The following HEATR4 variants were observed in gnomAD, a reference collection of about 807,000 sequenced individuals.
HEATR4 encodes HEAT repeat containing 4.
In HEATR4, 95 loss-of-function variants were observed where a neutral mutation model predicts 108.8. That is an observed-to-expected ratio of 0.87 (90% CI 0.74 to 1.04). The LOEUF is 1.04. Ranked by LOEUF, HEATR4 falls within the 50% of genes least tolerant of loss-of-function variation. The pLI is 0.00. For synonymous variants in HEATR4, 443 were observed against 459.4 expected, an observed-to-expected ratio of 0.96 and a Z score of 0.46; for missense variants, 1,152 against 1,253.8, an observed-to-expected ratio of 0.92 and a Z score of 1.23.
At chr14:73,500,878 T>G (rs1886414623) in intron 11 of HEATR4, 148 bp from the exon 12 acceptor site, 1 of 666,742 alleles carries the variant, frequency 1.5e-6, no homozygotes, top group Non-Finnish European at 2.5e-6. Context: ...TTTTACTGGG[T>G]ACAGAGCTCG....
chr14:73,595,824 C>G, the HEATR4 span: 1 of 763,310 alleles, frequency 1.3e-6, no homozygotes, highest in Non-Finnish European at 1.9e-6. Context: ...ACTAATGTAA[C>G]TTGCTTGTTG....
At chr14:73,565,243 T>C in the HEATR4 span, among the ~76,000 whole-genome samples, 8 of 152,122 alleles carry the variant, frequency 5.3e-5, no homozygotes, top group Non-Finnish European at 7.4e-5. Flanking sequence ...GAAAAGGTCA[T>C]ACCAGTTTAT....
intron 15 of HEATR4, 51 bp from the exon 16 acceptor site, chr14:73,495,438 G>T (rs1247451942): frequency 6.9e-7 from 1 of 1,456,936 alleles, no homozygotes; most frequent in South Asian, 1.2e-5. Context: ...ACCTGTACTA[G>T]GCAGCAAATT....
chr14:73,502,053 T>A (rs1886504655), intron 11 of HEATR4, among the ~76,000 whole-genome samples: 1 of 151,210 alleles, frequency 6.6e-6, no homozygotes, highest in African/African-American at 2.4e-5. Context: ...CCAATTTTTT[T>A]TTTTTTTTTT....
chr14:73,600,991 A>C, the HEATR4 span, among the ~76,000 whole-genome samples: 1 of 151,314 alleles, frequency 6.6e-6, no homozygotes, highest in Non-Finnish European at 1.5e-5. Flanking sequence ...AAATACAAAA[A>C]TTAGCCAGGT....
rs532045877 is a variant in HEATR4, at chr14:73,492,532, C to G, written c.2844+534G>C. 15 of 1,613,720 alleles carry G rather than the reference C, an allele frequency of 9.3e-6. No individual in the cohort carries two copies. The highest frequency in any genetic ancestry group is 1.3e-5 in the Non-Finnish European group (15 of 1,179,782). On this transcript the variant is annotated intron_variant, in intron 17 of 17. Coordinates refer to ENST00000553558, the MANE Select transcript of HEATR4 (RefSeq NM_001220484.1). This position sits in a 1 kb window ranked among gnomAD's most constrained non-coding sequence, Gnocchi z 4.9. ...TGGCCGACCAGCGAGCCAAAGACTT[C>G]ATTCACGATTCTCTGCCCCCTGTTT...
At position 73,495,318 on chromosome 14, in the gene HEATR4, C is replaced by T; in HGVS notation, c.2695G>A (p.Val899Met). Reference protein sequence around the residue: ...ILKLEMVMGKVREEAKRVYLK... With the variant: ...ILKLEMVMGKMREEAKRVYLK... ...TAAACACGTTTTGCTTCCTCCCTCA[C>T]TTTTCCCATGACCATCTCCAGCTTG... The change falls in exon 16 of 18, where the codon GTG (valine) becomes ATG (methionine). Residue 899 changes from valine to methionine, a missense_variant. By Grantham distance (21) the Val-to-Met change is conservative. Transcript: ENST00000553558. 1 of 1,614,040 alleles carries T rather than the reference C, an allele frequency of 6.2e-7. No homozygotes were observed. Among genetic ancestry groups the T allele is most frequent in the Non-Finnish European group, 8.5e-7 (1 of 1,179,940 alleles).
intron 1 of HEATR4, chr14:73,537,077 G>A (rs1267270436): frequency 5.2e-6 from 1 of 191,228 alleles, no homozygotes; most frequent in Non-Finnish European, 9.4e-6. Flanking sequence ...TCCACCCCCC[G>A]GGATCACGCC....
Position 73,542,954 on chromosome 14 carries a change from G to A in HEATR4, c.-151-12710C>T. 1.7e-6 allele frequency: 2 copies of A among 1,168,628 alleles called. 1 individual carries two copies. The highest frequency in any genetic ancestry group is 2.3e-6 in the Non-Finnish European group (2 of 878,916). 72.4% of individuals were successfully genotyped at this position (1,168,628 alleles called of 1,614,324 possible). A position where few individuals can be genotyped will look rare whatever the true frequency, so the allele number is the denominator to read the frequency against. ...GGGTAAATGGTAGAACCCAGATTCA[G>A]ACTCAGGTTCAACTAACTTCCAGGG... On this transcript the variant is annotated intron_variant, in intron 1 of 17. Coordinates refer to ENST00000553558, the MANE Select transcript of HEATR4 (RefSeq NM_001220484.1).
At chr14:73,493,443 A>T in intron 16 of HEATR4, 1 of 271,716 alleles carries the variant, frequency 3.7e-6, no homozygotes, top group Non-Finnish European at 7.4e-6. Context: ...GAAGAAATGC[A>T]GGAGCGGGAG....
At chr14:73,568,967 A>G in the HEATR4 span, 103,868 of 502,200 alleles carry the variant, frequency 0.21, 12,344 homozygotes, top group East Asian at 0.27. Flanking sequence ...CCTCTTCGCC[A>G]TCAGGAGTTT....
In HEATR4 at chr14:73,522,354, T is replaced by A. The variant is rs923546120; in HGVS notation, c.799A>T (p.Thr267Ser). ...ACACTTTGATCCTCAAACTCTGCTG[T>A]CTCTTCTGCCTCCAGCTGTTTCAGG... is the stretch of plus-strand genomic sequence containing the variant. ...ELLKQLEAEE[T>S]AEFEDQSVIL... The change falls in exon 3 of 18, where the codon ACA becomes TCA. Residue 267 changes from threonine to serine, a missense_variant. Thr to Ser is a moderately conservative substitution (Grantham distance 58). Coordinates refer to ENST00000553558, the MANE Select transcript of HEATR4 (RefSeq NM_001220484.1). The A allele has an allele frequency of 1.2e-6, 2 of 1,614,244 alleles. No individual in the cohort carries two copies. Among genetic ancestry groups the A allele is most frequent in the Admixed American group, 3.3e-5 (2 of 60,028 alleles).
chr14:73,550,912 C>T lies in HEATR4; in HGVS notation c.-152+7839G>A, dbSNP rs1190110721. On this transcript the variant is annotated intron_variant, in intron 1 of 17. Transcript: ENST00000553558. ...CGCGGTGGCATGGCTATAGTCCCAG[C>T]ACTTTGGGAGACAGAGGCGGGCCGA... Among the ~76,000 whole-genome samples, 3 of 114,506 alleles carry T rather than the reference C, an allele frequency of 2.6e-5. 1 individual carries two copies. Among genetic ancestry groups the T allele is most frequent in the Non-Finnish European group, 5.7e-5 (3 of 52,584 alleles). The allele number at this position is 114,506 out of a possible 152,430, so 75.1% of individuals were successfully genotyped here.
the HEATR4 span, among the ~76,000 whole-genome samples, chr14:73,625,401 G>A: frequency 3.5e-5 from 5 of 144,882 alleles, no homozygotes; most frequent in Admixed American, 6.9e-5. Flanking sequence ...CACTCTTGTT[G>A]CCCAGGCTGG....
At chr14:73,621,480 C>T in the HEATR4 span, among the ~76,000 whole-genome samples, 1 of 152,134 alleles carries the variant, frequency 6.6e-6, no homozygotes, top group Non-Finnish European at 1.5e-5. Flanking sequence ...GACCTGTCTG[C>T]CTCAACCTAC....
chr14:73,521,049 GGT>G lies in HEATR4; in HGVS notation c.882-12_882-11del. 6.2e-7 allele frequency: 1 copy of G among 1,610,638 alleles called. No homozygotes were observed. Among genetic ancestry groups the G allele is most frequent in the Non-Finnish European group, 8.5e-7 (1 of 1,177,634 alleles). Reference sequence around the variant, plus strand: ...GAAGTAACTGGGCAATCTTGGCAGGGGTGAGAAAGGAGGGAAAAGGGGGAAAG... The same window carrying G: ...GAAGTAACTGGGCAATCTTGGCAGGGGAGAAAGGAGGGAAAAGGGGGAAAG... On this transcript the variant is annotated splice_polypyrimidine_tract_variant and intron_variant, in intron 3 of 17. Coordinates refer to ENST00000553558, the MANE Select transcript of HEATR4 (RefSeq NM_001220484.1).
chr14:73,627,229 A>G, the HEATR4 span, among the ~76,000 whole-genome samples: 8 of 151,790 alleles, frequency 5.3e-5, no homozygotes, highest in Non-Finnish European at 1.0e-4. Context: ...CAACGCAACA[A>G]TCAACACAGA....
intron 8 of HEATR4, 86 bp from the exon 9 acceptor site, chr14:73,508,380 T>C: frequency 8.8e-7 from 1 of 1,135,464 alleles, no homozygotes; most frequent in Non-Finnish European, 1.3e-6. Context: ...CCAAGGCTGC[T>C]ACCCCACCTG....
chr14:73,572,097 A>C, the HEATR4 span, among the ~76,000 whole-genome samples: 3 of 145,836 alleles, frequency 2.1e-5, no homozygotes, highest in African/African-American at 7.7e-5. Flanking sequence ...TCTGGGCAAC[A>C]ATTTGTCTTA....
Sources: gnomAD v4.1 joint callset for allele counts (sites outside exome capture counted in the v4.1 genomes callset) on GRCh38, gnomAD v4.1.1 for gene constraint, Gnocchi (gnomAD v3.1) non-coding constraint, MANE v1.5 for transcripts, NCBI Gene and HGNC (gene_info 2026-07-23, HGNC 2026-07-21) for gene names.